SP100: variants seen among roughly 807,000 people sequenced by gnomAD.
SP100 encodes nuclear autoantigen Sp-100.
In SP100, 84 loss-of-function variants were observed where a neutral mutation model predicts 130.0. The observed-to-expected ratio is 0.65, with a 90% CI of 0.54 to 0.77. The LOEUF is 0.77. Ranked by LOEUF, SP100 falls within the 30% of genes least tolerant of loss-of-function variation. SP100 has a pLI of 0.00. For missense variants in SP100, 978 were observed against 1,052.2 expected (o/e 0.93, Z 0.97); for synonymous variants, 331 against 351.7 (o/e 0.94, Z 0.66).
chr2:230,507,663 A>T (rs1197077544), intron 22 of SP100, among the ~76,000 whole-genome samples: 2 of 152,158 alleles, frequency 1.3e-5, no homozygotes, highest in African/African-American at 4.8e-5. Flanking sequence ...GTCTAAAAAG[A>T]TGAACAACTA....
chr2:230,437,005 C>T (rs919041622), intron 2 of SP100, among the ~76,000 whole-genome samples: 1 of 140,296 alleles, frequency 7.1e-6, no homozygotes, highest in African/African-American at 2.6e-5. Flanking sequence ...TGTATACACA[C>T]ACACACATAT....
chr2:230,502,613 T>C (rs1453456105), intron 19 of SP100, among the ~76,000 whole-genome samples: 1 of 152,176 alleles, frequency 6.6e-6, no homozygotes, highest in Non-Finnish European at 1.5e-5. Context: ...TTCAACTTCA[T>C]TCTTGCTCTC....
chr2:230,490,083 T>C (rs2150036372), intron 17 of SP100, among the ~76,000 whole-genome samples: 1 of 152,340 alleles, frequency 6.6e-6, no homozygotes, highest in African/African-American at 2.4e-5. Context: ...ATTTTCTGTC[T>C]CATTGATCTG....
At chr2:230,489,834 T>C (rs527298687) in intron 17 of SP100, among the ~76,000 whole-genome samples, 1 of 152,206 alleles carries the variant, frequency 6.6e-6, no homozygotes, top group Non-Finnish European at 1.5e-5. Context: ...TTGAGTGAGT[T>C]TCTTAATCCT....
At chr2:230,536,526 C>G (rs1051779100) in intron 24 of SP100, among the ~76,000 whole-genome samples, 2 of 152,178 alleles carry the variant, frequency 1.3e-5, no homozygotes, top group Admixed American at 6.5e-5. Flanking sequence ...CTGAAACTCA[C>G]CAGATTACTG....
At position 230,459,628 on chromosome 2, in the gene SP100, A is replaced by G. The variant is rs993100501; in HGVS notation, c.821-1634A>G. Among the ~76,000 whole-genome samples, 8 of 152,212 alleles carry G rather than the reference A, an allele frequency of 5.3e-5. 1 individual carries two copies. Among genetic ancestry groups the G allele is most frequent in the Non-Finnish European group, 4.4e-5 (3 of 68,042 alleles). ...CATGTAACAAACTATCCTGAAACTT[A>G]GTGGCTTAAAACAATCATCATTTCA... On this transcript the variant is annotated intron_variant, in intron 8 of 28. Transcript: ENST00000340126.
intron 24 of SP100, among the ~76,000 whole-genome samples, chr2:230,522,647 C>T (rs1213170756): frequency 6.6e-6 from 1 of 151,200 alleles, no homozygotes; most frequent in East Asian, 1.9e-4. Context: ...CACCACCACG[C>T]CCAGCTAATT....
At chr2:230,471,746 C>T (rs1196285258) in intron 15 of SP100, among the ~76,000 whole-genome samples, 1 of 151,964 alleles carries the variant, frequency 6.6e-6, no homozygotes. Flanking sequence ...AGGGAGGAGA[C>T]ACTGAGTGGA....
chr2:230,470,957 AAC>A (rs964045452), intron 15 of SP100, among the ~76,000 whole-genome samples: 41 of 137,078 alleles, frequency 3.0e-4, no homozygotes, highest in African/African-American at 1.0e-3. Context: ...TACATACATA[AAC>A]ACACACATAT....
intron 24 of SP100, among the ~76,000 whole-genome samples, chr2:230,512,482 G>A (rs1690672473): frequency 6.6e-6 from 1 of 151,310 alleles, no homozygotes; most frequent in Non-Finnish European, 1.5e-5. Flanking sequence ...TAGAGACAGG[G>A]TTTTGTCATG....
intron 18 of SP100, 73 bp from the exon 19 acceptor site, chr2:230,498,388 A>AT: frequency 1.2e-6 from 1 of 853,474 alleles, no homozygotes; most frequent in Non-Finnish European, 1.7e-6. Context: ...GCTAAATAAA[A>AT]TTTTTGAAAG....
intron 24 of SP100, among the ~76,000 whole-genome samples, chr2:230,525,838 G>A (rs186985038): frequency 7.2e-5 from 11 of 152,082 alleles, no homozygotes; most frequent in Admixed American, 7.2e-4. Flanking sequence ...GCAGATTGGT[G>A]GGGGGAGGGG....
At chr2:230,476,598 G>T (rs2065561588) in intron 17 of SP100, among the ~76,000 whole-genome samples, 1 of 152,006 alleles carries the variant, frequency 6.6e-6, no homozygotes, top group Non-Finnish European at 1.5e-5. Flanking sequence ...ATTTTACTAT[G>T]CATGTATTAA....
At chr2:230,446,793 T>G (rs760934269) in intron 4 of SP100, 26 bp from the exon 5 acceptor site, 11 of 1,440,452 alleles carry the variant, frequency 7.6e-6, no homozygotes, top group Admixed American at 1.7e-5. Context: ...GATCTCTAAT[T>G]GCTTCTTCTC....
intron 19 of SP100, among the ~76,000 whole-genome samples, chr2:230,499,316 G>A (rs1436327423): frequency 6.6e-6 from 1 of 150,408 alleles, no homozygotes; most frequent in African/African-American, 2.5e-5. Context: ...CCAGGAGAAA[G>A]GTGCATGAAG....
Position 230,446,850 on chromosome 2 carries a change from TGAA to T in SP100, c.480_482del (p.Glu161del), listed in dbSNP as rs1375723702. The T allele has an allele frequency of 3.1e-6, 5 of 1,612,010 alleles. No individual in the cohort carries two copies. Among genetic ancestry groups the T allele is most frequent in the East Asian group, 4.5e-5 (2 of 44,812 alleles). ...ATGACAAATTGCCTCTCCAAGAAAG[TGAA>T]GAAGAAGAGAGGGAGGAGAGGTCTG... is the stretch of plus-strand genomic sequence containing the variant. On this transcript the variant is annotated inframe_deletion, in exon 5 of 29. Transcript: ENST00000340126.
intron 5 of SP100, 77 bp downstream of exon 5, chr2:230,446,979 G>A: frequency 1.2e-6 from 1 of 842,106 alleles, no homozygotes; most frequent in Non-Finnish European, 1.9e-6. Flanking sequence ...TGTGAATCAG[G>A]GAAGACATAT....
At chr2:230,448,615 A>G (rs1373284234) in intron 5 of SP100, among the ~76,000 whole-genome samples, 1 of 152,176 alleles carries the variant, frequency 6.6e-6, no homozygotes, top group Non-Finnish European at 1.5e-5. Flanking sequence ...AAAAAAGAAT[A>G]CCAAGAGCTG....
chr2:230,438,459 T>C (rs1346845742), intron 2 of SP100, among the ~76,000 whole-genome samples: 1 of 152,044 alleles, frequency 6.6e-6, no homozygotes, highest in Non-Finnish European at 1.5e-5. Flanking sequence ...CCAAGGTCCA[T>C]TGTATCATTC....
Sources: allele counts gnomAD v4.1 joint callset (sites outside exome capture counted in the v4.1 genomes callset), GRCh38; gene constraint gnomAD v4.1.1; transcripts MANE v1.5; gene names NCBI Gene and HGNC (gene_info 2026-07-23, HGNC 2026-07-21).